The following UBR2 variants were observed in gnomAD, a reference collection of about 807,000 sequenced individuals.
UBR2 encodes ubiquitin protein ligase E3 component n-recognin 2, also known as E3 ubiquitin-protein ligase UBR2.
In UBR2, 92 loss-of-function variants were observed where a neutral mutation model predicts 247.9. The observed-to-expected ratio is 0.37, with a 90% CI of 0.31 to 0.44. UBR2 has a LOEUF of 0.44. Among genes scored for constraint, UBR2 ranks in the 20% least tolerant of loss-of-function variants. The pLI is 1.00. For missense variants in UBR2, 1,613 were observed against 2,112.6 expected (o/e 0.76, Z 4.64); for synonymous variants, 672 against 693.5 (o/e 0.97, Z 0.49).
rs75635618 is a variant in UBR2, at chr6:42,652,542, T to C, written c.2666T>C (p.Val889Ala). The change falls in exon 25 of 47, where the codon GTT becomes GCT. Residue 889 changes from valine (V) to alanine (A), a missense_variant. Around this residue, in one of 3 missense-constraint regions of UBR2, gnomAD observed 1,524 missense variants for 1,967.3 expected, o/e 0.77. Transcript: ENST00000372901. ...PPFCPLFASL[V>A]NILQSDVMLC... is the part of the protein sequence containing the mutation. ...TTCTGCCCTCTGTTTGCAAGCCTGG[T>C]TAACATTTTGCAGTCAGATGTCATG... The C allele has an allele frequency of 1.2e-6, 2 of 1,613,384 alleles. No individual in the cohort carries two copies. Among genetic ancestry groups the C allele is most frequent in the East Asian group, 2.2e-5 (1 of 44,836 alleles).
chr6:42,640,398 G>T (rs754836130), intron 16 of UBR2, 128 bp downstream of exon 16: 1 of 220,560 alleles, frequency 4.5e-6, no homozygotes, highest in Non-Finnish European at 8.3e-6. Flanking sequence ...GTGTGTGTGT[G>T]TGTGTGTGTG....
chr6:42,640,383 G>GGTGTGTGTGTGTGTGT (rs61668810), intron 16 of UBR2, 113 bp downstream of exon 16: 21 of 174,412 alleles, frequency 1.2e-4, no homozygotes, highest in Admixed American at 2.4e-4. Flanking sequence ...GAACCAGTAA[G>GGTGTGTGTGTGTGTGT]GTGTGTGTGT....
chr6:42,646,686 T>C (rs1351677887), intron 21 of UBR2, among the ~76,000 whole-genome samples: 3 of 152,066 alleles, frequency 2.0e-5, no homozygotes, highest in African/African-American at 7.2e-5. Flanking sequence ...CCCTACAACA[T>C]ATCTGATCTG....
intron 38 of UBR2, among the ~76,000 whole-genome samples, chr6:42,674,436 C>T (rs1204148993): frequency 1.3e-5 from 2 of 152,148 alleles, no homozygotes; most frequent in East Asian, 1.9e-4. Context: ...AGTATTTTAA[C>T]CTCTCTGTGC....
At chr6:42,642,954 C>A (rs920094679) in intron 18 of UBR2, among the ~76,000 whole-genome samples, 2 of 152,126 alleles carry the variant, frequency 1.3e-5, no homozygotes, top group African/African-American at 2.4e-5. Flanking sequence ...GTATTTATTT[C>A]TTTTGCTCCC....
chr6:42,576,198 T>C (rs1791495098), intron 2 of UBR2, among the ~76,000 whole-genome samples: 1 of 152,188 alleles, frequency 6.6e-6, no homozygotes, highest in South Asian at 2.1e-4. Flanking sequence ...GTTGGTGTTA[T>C]AACTCTCAGG....
At chr6:42,584,810 G>A (rs12196290) in intron 2 of UBR2, among the ~76,000 whole-genome samples, 33,589 of 152,004 alleles carry the variant, frequency 0.22, 3,765 homozygotes, top group African/African-American at 0.26. Flanking sequence ...CTGCCATTAT[G>A]AAGAAATACA....
rs973798957 is a variant in UBR2 at position 42,653,359 on chromosome 6, A to C, written c.2769+714A>C. Among the ~76,000 whole-genome samples the C allele has an allele frequency of 3.9e-5, 6 of 152,166 alleles. No individual in the cohort carries two copies. The East Asian group carries it at 1.2e-3, about 29-fold the overall frequency. On this transcript the variant is annotated intron_variant, in intron 25 of 46. Coordinates refer to ENST00000372901, the MANE Select transcript of UBR2 (RefSeq NM_001363705.2). ...CGGCCTCCCCAAGTATTGGGATTAC[A>C]TGCGTGAGCCACTATGCCCAGCCCC...
At chr6:42,681,636 T>C (rs966767343) in intron 42 of UBR2, among the ~76,000 whole-genome samples, 2 of 152,180 alleles carry the variant, frequency 1.3e-5, no homozygotes, top group African/African-American at 4.8e-5. Context: ...TATACTGGTA[T>C]CCTTGTGCAT....
intron 5 of UBR2, 42 bp from the exon 6 acceptor site, chr6:42,605,679 A>C (rs764406307): frequency 7.0e-6 from 11 of 1,568,480 alleles, no homozygotes; most frequent in Non-Finnish European, 9.5e-6. Flanking sequence ...GAGCAAGATA[A>C]TAAACAAATA....
In UBR2 at chr6:42,659,544, C is replaced by T. The variant is rs955925555; in HGVS notation, c.3243-112C>T. ...ATACACACACACACACACACACACA[C>T]ACACACACACACACACACTACACAC... On this transcript the variant is annotated intron_variant, in intron 29 of 46. Transcript: ENST00000372901. The surrounding 1 kb of genome is among the most constrained non-coding windows in gnomAD (Gnocchi z 4.3). 3.0e-3 allele frequency: 2,203 copies of T among 730,480 alleles called. 34 individuals carry two copies. Among genetic ancestry groups the T allele is most frequent in the Non-Finnish European group, 1.1e-3 (494 of 444,228 alleles). The allele number at this position is 730,480 out of a possible 1,614,324, so 45.2% of individuals were successfully genotyped here. A position where few individuals can be genotyped will look rare whatever the true frequency, so the allele number is the denominator to read the frequency against.
At chr6:42,632,056 TAAAAA>T (rs1296746615) in intron 11 of UBR2, among the ~76,000 whole-genome samples, 5 of 126,926 alleles carry the variant, frequency 3.9e-5, no homozygotes, top group African/African-American at 1.5e-4. Flanking sequence ...TTTGCTTATT[TAAAAA>T]AAAAAAAAAT....
At chr6:42,632,069 A>AAAAT (rs56721828) in intron 11 of UBR2, among the ~76,000 whole-genome samples, 30 of 114,078 alleles carry the variant, frequency 2.6e-4, no homozygotes, top group East Asian at 7.3e-4. Context: ...AAAAAAAAAA[A>AAAAT]ATATATATAT....
intron 2 of UBR2, among the ~76,000 whole-genome samples, chr6:42,591,945 A>C (rs1391562389): frequency 6.6e-6 from 1 of 152,228 alleles, no homozygotes. Context: ...ACTCCCTAGC[A>C]CACATCCATT....
chr6:42,663,431 C>T lies in UBR2; in HGVS notation c.3698+12C>T. 3 of 1,599,310 alleles carry T rather than the reference C, an allele frequency of 1.9e-6. No homozygotes were observed. The highest frequency in any genetic ancestry group is 1.7e-5 in the Admixed American group (1 of 57,432). On this transcript the variant is annotated intron_variant, in intron 32 of 46. Transcript: ENST00000372901. ...AATATTTTTAACAAGTAAGTTTTGGCTCATGACAACTATTACAAAGCAATA... is the reference window on the plus strand; with the variant it reads ...AATATTTTTAACAAGTAAGTTTTGGTTCATGACAACTATTACAAAGCAATA...
intron 14 of UBR2, among the ~76,000 whole-genome samples, chr6:42,635,961 G>A (rs1004954619): frequency 9.9e-5 from 15 of 152,218 alleles, no homozygotes; most frequent in African/African-American, 3.4e-4. Context: ...TGAGGTTAGG[G>A]AGGTTTCTGT....
chr6:42,582,199 C>T (rs974384892), intron 2 of UBR2, among the ~76,000 whole-genome samples: 3 of 146,824 alleles, frequency 2.0e-5, no homozygotes, highest in African/African-American at 5.1e-5. Flanking sequence ...AGGAGAATGA[C>T]GTGAACCCGG....
At chr6:42,576,522 CTT>C (rs58739895) in intron 2 of UBR2, among the ~76,000 whole-genome samples, 64 of 86,132 alleles carry the variant, frequency 7.4e-4, no homozygotes, top group South Asian at 4.1e-3. Flanking sequence ...GCCTTTCCCT[CTT>C]TTTTTTTTTT....
At chr6:42,597,491 G>A (rs775711844) in intron 4 of UBR2, among the ~76,000 whole-genome samples, 1 of 151,754 alleles carries the variant, frequency 6.6e-6, no homozygotes, top group Non-Finnish European at 1.5e-5. Context: ...GGCTATTCAG[G>A]AGGCTGAGGT....
Sources: allele counts gnomAD v4.1 joint callset (sites outside exome capture counted in the v4.1 genomes callset), GRCh38; gene constraint gnomAD v4.1.1; regional missense constraint gnomAD v4.1.1; non-coding constraint Gnocchi (gnomAD v3.1); transcripts MANE v1.5; gene names NCBI Gene and HGNC (gene_info 2026-07-23, HGNC 2026-07-21).